The following KLHL29 variants were observed in gnomAD, a reference collection of about 807,000 sequenced individuals.
The protein encoded by KLHL29 is kelch-like protein 29.
In KLHL29, 21 loss-of-function variants were observed where a neutral mutation model predicts 80.4. That is an observed-to-expected ratio of 0.26 (90% CI 0.19 to 0.38). The LOEUF (loss-of-function observed/expected upper bound fraction) is 0.38. Ranked by LOEUF, KLHL29 falls within the 10% of genes least tolerant of loss-of-function variation. The pLI is 1.00. For synonymous variants in KLHL29, 511 were observed against 526.8 expected, an observed-to-expected ratio of 0.97 and a Z score of 0.41; for missense variants, 867 against 1,223.9, an observed-to-expected ratio of 0.71 and a Z score of 4.35.
chr2:23,687,906 A>G (rs2149198162), intron 6 of KLHL29, among the ~76,000 whole-genome samples: 2 of 151,766 alleles, frequency 1.3e-5, no homozygotes, highest in South Asian at 4.2e-4. Flanking sequence ...TAAAGATGAC[A>G]GTCAGACCAT....
chr2:23,430,889 T>A (rs893155416), intron 1 of KLHL29, among the ~76,000 whole-genome samples: 1 of 152,240 alleles, frequency 6.6e-6, no homozygotes, highest in Admixed American at 6.5e-5. Context: ...GAGTGCTGTG[T>A]CTATAAACTC....
intron 7 of KLHL29, among the ~76,000 whole-genome samples, 177 bp downstream of exon 7, chr2:23,692,053 GCTCT>G (rs1184614676): frequency 6.6e-6 from 1 of 152,152 alleles, no homozygotes; most frequent in East Asian, 1.9e-4. Flanking sequence ...ACATGCAAAG[GCTCT>G]CTTTCCCTGG....
In KLHL29 at chr2:23,681,355, C is replaced by A. The variant is rs1235749040; in HGVS notation, c.941-3044C>A. On this transcript the variant is annotated intron_variant, in intron 5 of 13. Coordinates refer to ENST00000486442, the MANE Select transcript of KLHL29 (RefSeq NM_052920.2). The surrounding 1 kb of genome is among the most constrained non-coding windows in gnomAD (Gnocchi z 4.2). ...AAGCACCTACATTAGGATGGGGACA[C>A]CTGAACCTCCAAGCGCCTTCCAGGT... Among the ~76,000 whole-genome samples, 4 of 152,242 alleles carry A rather than the reference C, an allele frequency of 2.6e-5. No individual in the cohort carries two copies. Among genetic ancestry groups the A allele is most frequent in the Non-Finnish European group, 5.9e-5 (4 of 68,042 alleles).
intron 1 of KLHL29, among the ~76,000 whole-genome samples, chr2:23,425,915 G>T (rs187225954): frequency 6.6e-6 from 1 of 152,172 alleles, no homozygotes; most frequent in Non-Finnish European, 1.5e-5. Flanking sequence ...GGAAGAGGCC[G>T]CCCAGGGCCT....
rs1322299405 is a variant in KLHL29 at position 23,706,438 on chromosome 2, TGGAAGTGAAA to T, written c.2445-42_2445-33del. 234 of 1,393,918 alleles carry T rather than the reference TGGAAGTGAAA, an allele frequency of 1.7e-4. No homozygotes were observed. In the African/African-American group the frequency reaches 3.1e-3, roughly 19 times the overall value. 86.3% of individuals were successfully genotyped at this position (1,393,918 alleles called of 1,614,324 possible). Reference sequence around the variant, plus strand: ...TGAGAACCTATCTCCAGGGCCAAGTTGGAAGTGAAATGCCTAACTCTGTCCCCGCTTTCCC... The same window carrying T: ...TGAGAACCTATCTCCAGGGCCAAGTTTGCCTAACTCTGTCCCCGCTTTCCC... On this transcript the variant is annotated intron_variant, in intron 13 of 13. Coordinates refer to ENST00000486442, the MANE Select transcript of KLHL29 (RefSeq NM_052920.2).
intron 3 of KLHL29, among the ~76,000 whole-genome samples, chr2:23,581,035 C>G (rs977415628): frequency 6.6e-6 from 1 of 152,094 alleles, no homozygotes; most frequent in Non-Finnish European, 1.5e-5. Flanking sequence ...CCAATAAATG[C>G]TGGTGATCAT....
intron 3 of KLHL29, among the ~76,000 whole-genome samples, chr2:23,600,712 G>A (rs971175618): frequency 6.6e-6 from 1 of 152,188 alleles, no homozygotes; most frequent in Admixed American, 6.5e-5. Context: ...ATGCCAGAAG[G>A]AAGGGGGCTC....
chr2:23,388,724 A>G (rs1009034659), intron 1 of KLHL29, among the ~76,000 whole-genome samples: 1 of 152,146 alleles, frequency 6.6e-6, no homozygotes, highest in Non-Finnish European at 1.5e-5. Context: ...CTAAAAGCCT[A>G]CACTATTCCC....
At chr2:23,536,924 T>A (rs200775514) in intron 2 of KLHL29, among the ~76,000 whole-genome samples, 133 of 102,340 alleles carry the variant, frequency 1.3e-3, no homozygotes, top group African/African-American at 5.4e-3. Flanking sequence ...ACACACTCTC[T>A]CTCTCCCTCT....
chr2:23,392,333 A>G (rs1313239439), intron 1 of KLHL29, among the ~76,000 whole-genome samples: 3 of 152,222 alleles, frequency 2.0e-5, no homozygotes, highest in Non-Finnish European at 4.4e-5. Context: ...TTATTCTGAA[A>G]AGCATAAGAC....
At chr2:23,598,584 A>G (rs1011560897) in intron 3 of KLHL29, among the ~76,000 whole-genome samples, 1 of 152,108 alleles carries the variant, frequency 6.6e-6, no homozygotes. Context: ...AGAACTGATC[A>G]CCCCTCTCCA....
chr2:23,390,056 T>TC (rs1254108251), intron 1 of KLHL29, among the ~76,000 whole-genome samples: 3 of 152,198 alleles, frequency 2.0e-5, no homozygotes, highest in African/African-American at 7.2e-5. Flanking sequence ...CTGTGGTTCT[T>TC]CCTACAACCG....
intron 2 of KLHL29, among the ~76,000 whole-genome samples, chr2:23,484,392 C>T (rs557778126): frequency 8.5e-5 from 13 of 152,264 alleles, no homozygotes; most frequent in African/African-American, 2.6e-4. Flanking sequence ...GTGTCTGGCT[C>T]GTAAGGTAGC....
chr2:23,440,251 G>A (rs1057279266), intron 1 of KLHL29, among the ~76,000 whole-genome samples: 1 of 152,060 alleles, frequency 6.6e-6, no homozygotes, highest in South Asian at 2.1e-4. Context: ...TTAATAAATG[G>A]TGCTGGGAAA....
intron 5 of KLHL29, among the ~76,000 whole-genome samples, chr2:23,653,498 G>A (rs183222864): frequency 5.3e-5 from 8 of 152,286 alleles, no homozygotes; most frequent in African/African-American, 9.6e-5. Flanking sequence ...ACATCCCACC[G>A]GGAGCCCTCT....
intron 1 of KLHL29, among the ~76,000 whole-genome samples, chr2:23,429,048 A>G (rs999034771): frequency 1.8e-4 from 27 of 152,194 alleles, no homozygotes; most frequent in Admixed American, 6.5e-5. Context: ...CCCTGTGTGC[A>G]CAGCGAGGGA....
At chr2:23,585,391 A>G (rs1305282712) in intron 3 of KLHL29, among the ~76,000 whole-genome samples, 6 of 152,226 alleles carry the variant, frequency 3.9e-5, no homozygotes, top group Non-Finnish European at 5.9e-5. Context: ...CACATTTAGA[A>G]GAGAGGATTA....
chr2:23,456,012 T>C (rs1179602911), intron 1 of KLHL29, among the ~76,000 whole-genome samples: 4 of 152,128 alleles, frequency 2.6e-5, no homozygotes, highest in Non-Finnish European at 5.9e-5. Context: ...AGCGGCCACC[T>C]GCAAGCCAAG....
chr2:23,492,770 G>C (rs1330099576), intron 2 of KLHL29, among the ~76,000 whole-genome samples: 1 of 152,140 alleles, frequency 6.6e-6, no homozygotes, highest in Non-Finnish European at 1.5e-5. Flanking sequence ...CTTAGAGAAG[G>C]GGTTTGCAGA....
Sources: gnomAD v4.1 joint callset for allele counts (sites outside exome capture counted in the v4.1 genomes callset) on GRCh38, gnomAD v4.1.1 for gene constraint, Gnocchi (gnomAD v3.1) non-coding constraint, MANE v1.5 for transcripts, NCBI Gene and HGNC (gene_info 2026-07-23, HGNC 2026-07-21) for gene names.